MTNR1B: variants seen among roughly 807,000 people sequenced by gnomAD.
MTNR1B encodes the protein melatonin receptor type 1B.
MTNR1B carries 7 observed loss-of-function variants against 7.0 expected under a neutral mutation model. The observed-to-expected ratio is 1.00, with a 90% confidence interval of 0.57 to 1.88. The LOEUF is 1.88. Ranked by LOEUF, MTNR1B falls within the 40% of genes most tolerant of loss-of-function variation. MTNR1B has a pLI of 0.00. For synonymous variants in MTNR1B, 226 were observed against 208.2 expected (o/e 1.09, Z -0.74); for missense variants, 478 against 486.5 (o/e 0.98, Z 0.16).
At chr11:92,978,339 G>A (rs1317351831) in intron 1 of MTNR1B, among the ~76,000 whole-genome samples, 4 of 152,298 alleles carry the variant, frequency 2.6e-5, no homozygotes, top group South Asian at 2.1e-4. Flanking sequence ...GAAAGGATGC[G>A]CTCTGCGTAT....
Position 92,981,930 on chromosome 11 carries a change from C to T in MTNR1B, c.707C>T (p.Pro236Leu). The change falls in exon 2 of 2, where the codon CCA becomes CTA. Residue 236 changes from proline to leucine, a missense_variant. Coordinates refer to ENST00000257068, the MANE Select transcript of MTNR1B (RefSeq NM_005959.5). ...LVLQARRKAK[P>L]ESRLCLKPSD... Reference sequence around the variant, plus strand: ...CTTCAGGCCCGCAGGAAAGCCAAGCCAGAGAGCAGGCTGTGCCTGAAGCCC... The same window carrying T: ...CTTCAGGCCCGCAGGAAAGCCAAGCTAGAGAGCAGGCTGTGCCTGAAGCCC... The T allele has an allele frequency of 6.2e-7, 1 of 1,614,210 alleles. No individual in the cohort carries two copies. Among genetic ancestry groups the T allele is most frequent in the Non-Finnish European group, 8.5e-7 (1 of 1,180,048 alleles).
chr11:92,980,014 T>G (rs1858072326), intron 1 of MTNR1B, among the ~76,000 whole-genome samples: 1 of 152,180 alleles, frequency 6.6e-6, no homozygotes, highest in South Asian at 2.1e-4. Context: ...CCCCGTGGAA[T>G]CCACACAGAG....
At position 92,978,202 on chromosome 11, in the gene MTNR1B, C is replaced by T. The variant is rs569092286; in HGVS notation, c.224-3245C>T. On this transcript the variant is annotated intron_variant, in intron 1 of 1. Transcript: ENST00000257068. The stretch of plus-strand genomic sequence containing the variant: ...TACCTTCCAGAATTCTCCTATCTGA[C>T]GAATATTAGATAGCTCAGCACTGGC... Among the ~76,000 whole-genome samples, 12 of 152,226 alleles carry T rather than the reference C, an allele frequency of 7.9e-5. 1 individual carries two copies. Among genetic ancestry groups the T allele is most frequent in the Middle Eastern group, 3.4e-3 (1 of 294 alleles).
chr11:92,981,623 A>G lies in MTNR1B; in HGVS notation c.400A>G (p.Ile134Val). ...CGGCTCTGTCTTCAATATCACTGCCATCGCCATTAACCGCTACTGCTACAT... is the reference window on the plus strand; with the variant it reads ...CGGCTCTGTCTTCAATATCACTGCCGTCGCCATTAACCGCTACTGCTACAT... ...VIGSVFNITA[I>V]AINRYCYICH... The change falls in exon 2 of 2, where the codon ATC becomes GTC. Residue 134 changes from isoleucine to valine, a missense_variant. Transcript: ENST00000257068. 6.2e-7 allele frequency: 1 copy of G among 1,614,166 alleles called. No individual in the cohort carries two copies. The highest frequency in any genetic ancestry group is 8.5e-7 in the Non-Finnish European group (1 of 1,180,038).
intron 1 of MTNR1B, among the ~76,000 whole-genome samples, chr11:92,975,964 G>T (rs115616814): frequency 0.017 from 2,604 of 152,308 alleles, 43 homozygotes; most frequent in African/African-American, 0.042. Flanking sequence ...TGTTTCTTAA[G>T]CTGTCCAACT....
chr11:92,974,092 C>A (rs1378640846), intron 1 of MTNR1B, among the ~76,000 whole-genome samples: 1 of 152,226 alleles, frequency 6.6e-6, no homozygotes, highest in Non-Finnish European at 1.5e-5. Flanking sequence ...CAGTTTCCAG[C>A]CATGCCATGG....
downstream of MTNR1B, among the ~76,000 whole-genome samples, chr11:92,984,015 C>T (rs1167790206): frequency 6.6e-6 from 1 of 152,188 alleles, no homozygotes; most frequent in Non-Finnish European, 1.5e-5. Context: ...TGACAGCACC[C>T]TACTTCTATC....
At position 92,982,264 on chromosome 11, in the gene MTNR1B, C is replaced by CCCA; in HGVS notation, c.1042_1044dup (p.Pro348dup). ...GCAGCCACGCGGAGGGGCTGCAGAGCCCAGCTCCACCCATCATTGGTGTGC... is the reference window on the plus strand; with the variant it reads ...GCAGCCACGCGGAGGGGCTGCAGAGCCCACCAGCTCCACCCATCATTGGTGTGC... On this transcript the variant is annotated inframe_insertion, in exon 2 of 2. Transcript: ENST00000257068. The CCCA allele has an allele frequency of 6.2e-7, 1 of 1,614,130 alleles. No homozygotes were observed.
At chr11:92,981,177 A>G (rs1012007964) in intron 1 of MTNR1B, among the ~76,000 whole-genome samples, 4 of 152,192 alleles carry the variant, frequency 2.6e-5, no homozygotes, top group Non-Finnish European at 1.5e-5. Context: ...AGCACTTTGT[A>G]TCATTAATTC....
In MTNR1B at chr11:92,976,989, T is replaced by C. The variant is rs867672222; in HGVS notation, c.224-4458T>C. On this transcript the variant is annotated intron_variant, in intron 1 of 1. Coordinates refer to ENST00000257068, the MANE Select transcript of MTNR1B (RefSeq NM_005959.5). The stretch of plus-strand genomic sequence containing the variant: ...CTTCACCATGTTATATCAATGGTTG[T>C]TTTGTTGCTATTAAGTGTAAAGTAA... Among the ~76,000 whole-genome samples the C allele has an allele frequency of 2.0e-5, 3 of 152,238 alleles. No homozygotes were observed. The South Asian group carries it at 6.2e-4, about 31-fold the overall frequency.
chr11:92,983,271 T>G (rs916907245), downstream of MTNR1B, among the ~76,000 whole-genome samples: 3 of 152,104 alleles, frequency 2.0e-5, no homozygotes, highest in Non-Finnish European at 4.4e-5. Context: ...GGAAGGGCTA[T>G]CACCGGATGC....
rs889959989 is a variant in MTNR1B, at chr11:92,971,181, G to A, written c.223+1233G>A. Among the ~76,000 whole-genome samples the A allele has an allele frequency of 4.6e-5, 7 of 151,978 alleles. No individual in the cohort carries two copies. In the Middle Eastern group the frequency reaches 0.01, roughly 222 times the overall value. On this transcript the variant is annotated intron_variant, in intron 1 of 1. Coordinates refer to ENST00000257068, the MANE Select transcript of MTNR1B (RefSeq NM_005959.5). ...TCACCATGTTGGCCAGGCTGGTCTC[G>A]AACTCCTGACCTCAAGTGATCCACC...
At chr11:92,972,152 G>T (rs1857937096) in intron 1 of MTNR1B, among the ~76,000 whole-genome samples, 1 of 152,154 alleles carries the variant, frequency 6.6e-6, no homozygotes, top group Admixed American at 6.5e-5. Context: ...TCTTAATCAG[G>T]CCTTGTCTTA....
At chr11:92,982,947 C>CACACA (rs1554991419), downstream of MTNR1B, among the ~76,000 whole-genome samples, 27 of 66,322 alleles carry the variant, frequency 4.1e-4, 3 homozygotes, top group African/African-American at 1.5e-3. Context: ...CCCCCCCCCC[C>CACACA]CACACACACA....
chr11:92,982,336 G>T lies in MTNR1B; in HGVS notation c.*24G>T. 2 of 1,594,396 alleles carry T rather than the reference G, an allele frequency of 1.3e-6. No individual in the cohort carries two copies. Among genetic ancestry groups the T allele is most frequent in the Non-Finnish European group, 1.7e-6 (2 of 1,172,162 alleles). ...AGCCTGGATCTGAGGCACACCAGCA[G>T]CATGACAAACTCATGAAATGGTGGG... is the stretch of plus-strand genomic sequence containing the variant. On this transcript the variant is annotated 3_prime_UTR_variant, in exon 2 of 2. Coordinates refer to ENST00000257068, the MANE Select transcript of MTNR1B (RefSeq NM_005959.5).
At chr11:92,979,577 T>C (rs1030028613) in intron 1 of MTNR1B, among the ~76,000 whole-genome samples, 1 of 152,182 alleles carries the variant, frequency 6.6e-6, no homozygotes, top group Non-Finnish European at 1.5e-5. Context: ...TGCTGGACAA[T>C]CTTGAGACAG....
Position 92,981,585 on chromosome 11 carries a change from G to A in MTNR1B, c.362G>A (p.Gly121Asp). ...TGCAAGGCCAGCGCCTTTGTGATGGGCCTGAGCGTCATCGGCTCTGTCTTC... is the reference window on the plus strand; with the variant it reads ...TGCAAGGCCAGCGCCTTTGTGATGGACCTGAGCGTCATCGGCTCTGTCTTC... Reference protein sequence around the residue: ...EHCKASAFVMGLSVIGSVFNI... With the variant: ...EHCKASAFVMDLSVIGSVFNI... The change falls in exon 2 of 2, where the codon GGC (glycine) becomes GAC (aspartate). Residue 121 changes from glycine to aspartate, a missense_variant. Physicochemically the swap from Gly to Asp is moderately conservative, Grantham distance 94. Coordinates refer to ENST00000257068, the MANE Select transcript of MTNR1B (RefSeq NM_005959.5). The A allele has an allele frequency of 6.2e-7, 1 of 1,614,146 alleles. No individual in the cohort carries two copies. The highest frequency in any genetic ancestry group is 8.5e-7 in the Non-Finnish European group (1 of 1,180,028).
At position 92,982,435 on chromosome 11, in the gene MTNR1B, G is replaced by T; in HGVS notation, c.*123G>T. Reference sequence around the variant, plus strand: ...GTCCTGTTGGCATCACAGCCCCAAGGCTGGGGGAACTTCATGCTGGGACAA... The same window carrying T: ...GTCCTGTTGGCATCACAGCCCCAAGTCTGGGGGAACTTCATGCTGGGACAA... On this transcript the variant is annotated 3_prime_UTR_variant, in exon 2 of 2. Transcript: ENST00000257068. 6.5e-6 allele frequency: 8 copies of T among 1,235,806 alleles called. No individual in the cohort carries two copies. Among genetic ancestry groups the T allele is most frequent in the Non-Finnish European group, 8.8e-6 (8 of 910,654 alleles). 76.6% of individuals were successfully genotyped at this position (1,235,806 alleles called of 1,614,324 possible). A position where few individuals can be genotyped will look rare whatever the true frequency, so the allele number is the denominator to read the frequency against.
At chr11:92,980,236 A>G (rs1858077484) in intron 1 of MTNR1B, among the ~76,000 whole-genome samples, 2 of 152,220 alleles carry the variant, frequency 1.3e-5, no homozygotes, top group Admixed American at 6.5e-5. Flanking sequence ...AGGCTTCACC[A>G]TGTGGCAAGA....
Sources: gnomAD v4.1 joint callset for allele counts (sites outside exome capture counted in the v4.1 genomes callset) on GRCh38, gnomAD v4.1.1 for gene constraint, MANE v1.5 for transcripts, NCBI Gene and HGNC (gene_info 2026-07-23, HGNC 2026-07-21) for gene names.